APOL4: variants seen among roughly 807,000 people sequenced by gnomAD.
APOL4 encodes apolipoprotein L, 4.
In APOL4, 14 loss-of-function variants were observed where a neutral mutation model predicts 12.1. The observed-to-expected ratio is 1.16, with a 90% CI of 0.76 to 1.81. The LOEUF is 1.81. APOL4 is among the 40% of genes most tolerant of loss of function. The pLI is 0.00. For missense variants in APOL4, 432 were observed against 423.1 expected, an observed-to-expected ratio of 1.02 and a Z score of -0.18; for synonymous variants, 171 against 160.6, an observed-to-expected ratio of 1.06 and a Z score of -0.49.
chr22:36,196,157 C>T (rs1194773044), intron 2 of APOL4, among the ~76,000 whole-genome samples: 1 of 152,226 alleles, frequency 6.6e-6, no homozygotes, highest in East Asian at 1.9e-4. Context: ...TATTGTCAAA[C>T]ACTTTACACC....
At position 36,191,615 on chromosome 22, in the gene APOL4, A is replaced by T. The variant is rs372227838; in HGVS notation, c.507T>A (p.Thr169=). The change falls in exon 4 of 4, where the codon ACT becomes ACA. Residue 169 remains threonine (T), a synonymous_variant. Transcript: ENST00000683024. ...CTATTCCCAGCCCTACCCCAGCTGC[A>T]GTAATGCTCAGGCTCAGCCCTGCTG... ...PFTAGLSLSI[T]AAGVGLGIAS... 20 of 1,613,616 alleles carry T rather than the reference A, an allele frequency of 1.2e-5. No homozygotes were observed. The highest frequency in any genetic ancestry group is 2.5e-6 in the Non-Finnish European group (3 of 1,179,728).
At chr22:36,199,717 A>G (rs2014513343) in intron 1 of APOL4, 2 of 1,419,596 alleles carry the variant, frequency 1.4e-6, no homozygotes, top group African/African-American at 1.4e-5. Context: ...CGTTCTAACA[A>G]TGACCGGAAA....
chr22:36,191,610 G>C lies in APOL4; in HGVS notation c.512C>G (p.Ala171Gly). 6.2e-7 allele frequency: 1 copy of C among 1,613,616 alleles called. No individual in the cohort carries two copies. The highest frequency in any genetic ancestry group is 8.5e-7 in the Non-Finnish European group (1 of 1,179,688). Reference sequence around the variant, plus strand: ...AGATGCTATTCCCAGCCCTACCCCAGCTGCAGTAATGCTCAGGCTCAGCCC... The same window carrying C: ...AGATGCTATTCCCAGCCCTACCCCACCTGCAGTAATGCTCAGGCTCAGCCC... ...TAGLSLSITA[A>G]GVGLGIASAT... Residue 171 changes from alanine (A) to glycine (G), a missense_variant, in exon 4 of 4, where the codon GCT (alanine) becomes GGT (glycine). By Grantham distance (60) the Ala-to-Gly change is moderately conservative. Coordinates refer to ENST00000683024, the MANE Select transcript of APOL4 (RefSeq NM_001386885.1).
At position 36,195,397 on chromosome 22, in the gene APOL4, CT is replaced by C; in HGVS notation, c.122del (p.Gln41ArgfsTer9). 6.2e-7 allele frequency: 1 copy of C among 1,613,938 alleles called. No individual in the cohort carries two copies. Among genetic ancestry groups the C allele is most frequent in the Non-Finnish European group, 8.5e-7 (1 of 1,179,832 alleles). ...RFTEEVIEYF[Q>X]KKVSPVHLKI... ...TCAGATGCACTGGGCTAACTTTCTTCTGGAAGTATTCAATGACTTCTTCAGT... is the reference window on the plus strand; with the variant it reads ...TCAGATGCACTGGGCTAACTTTCTTCGGAAGTATTCAATGACTTCTTCAGT... On this transcript the variant is annotated frameshift_variant, in exon 3 of 4. Transcript: ENST00000683024. LOFTEE classifies it high-confidence loss of function.
At chr22:36,196,464 A>G (rs757951737) in intron 2 of APOL4, among the ~76,000 whole-genome samples, 1 of 152,188 alleles carries the variant, frequency 6.6e-6, no homozygotes. Flanking sequence ...TTGTAATCAA[A>G]GGTACAAATG....
At chr22:36,201,885 G>T (rs2014593241), upstream of APOL4, 8 of 1,595,444 alleles carry the variant, frequency 5.0e-6, no homozygotes, top group South Asian at 5.6e-5. Context: ...AGTGATTTTG[G>T]TTCCTAGAAA....
Position 36,191,072 on chromosome 22 carries a change from G to C in APOL4, c.*3C>G, listed in dbSNP as rs1255104391. The C allele has an allele frequency of 6.3e-7, 1 of 1,589,262 alleles. No homozygotes were observed. The highest frequency in any genetic ancestry group is 1.8e-5 in the Admixed American group (1 of 56,532). ...GGTCCCTGACTTCCCGCAACAATTG[G>C]GCCTAGCCTGCTTTTAGACTCTGAT... On this transcript the variant is annotated 3_prime_UTR_variant, in exon 4 of 4. Transcript: ENST00000683024.
chr22:36,192,021 T>A, intron 3 of APOL4, 109 bp from the exon 4 acceptor site: 1 of 1,060,248 alleles, frequency 9.4e-7, no homozygotes. Flanking sequence ...ATAAGTCAAA[T>A]GGAAGTAAAG....
chr22:36,193,328 G>A (rs187651224), intron 3 of APOL4, among the ~76,000 whole-genome samples: 3 of 152,132 alleles, frequency 2.0e-5, no homozygotes, highest in South Asian at 2.1e-4. Context: ...CTGAATAAAG[G>A]CTTCCTTCCT....
intron 1 of APOL4, 182 bp downstream of exon 1, chr22:36,201,518 G>C (rs9610444): frequency 1.4e-4 from 143 of 1,038,330 alleles, no homozygotes; most frequent in Admixed American, 9.4e-4. Flanking sequence ...GCGTCTGGGC[G>C]CTTCTTGCTG....
intron 3 of APOL4, among the ~76,000 whole-genome samples, chr22:36,193,434 C>T (rs1031485064): frequency 1.3e-5 from 2 of 152,224 alleles, no homozygotes; most frequent in East Asian, 3.8e-4. Flanking sequence ...CACAGGAGAA[C>T]ACAGCCTCCT....
upstream of APOL4, among the ~76,000 whole-genome samples, chr22:36,203,396 T>C (rs1024360122): frequency 1.3e-5 from 2 of 152,184 alleles, no homozygotes; most frequent in African/African-American, 2.4e-5. Flanking sequence ...GGGGATGAAG[T>C]AATTCTTTAA....
upstream of APOL4, among the ~76,000 whole-genome samples, chr22:36,202,633 G>T (rs6000184): frequency 0.11 from 17,407 of 151,882 alleles, 1,072 homozygotes; most frequent in African/African-American, 0.17. Context: ...GGCTGAGGCA[G>T]GAGAATGGTG....
chr22:36,199,195 A>T, intron 2 of APOL4, 135 bp downstream of exon 2: 1 of 1,263,110 alleles, frequency 7.9e-7, no homozygotes, highest in Non-Finnish European at 1.1e-6. Flanking sequence ...GGGCAGCCTC[A>T]TCAGCCACCT....
intron 2 of APOL4, chr22:36,197,605 T>C: frequency 6.7e-7 from 1 of 1,498,814 alleles, no homozygotes; most frequent in Non-Finnish European, 8.9e-7. Flanking sequence ...CTGCAAGCTA[T>C]GAATCTGAAC....
intron 2 of APOL4, chr22:36,197,826 A>G (rs1778398093): frequency 1.3e-6 from 2 of 1,547,430 alleles, no homozygotes; most frequent in Non-Finnish European, 1.7e-6. Context: ...ATGGGCCCAG[A>G]GGACCCTGAC....
chr22:36,191,273 T>C lies in APOL4; in HGVS notation c.849A>G (p.Arg283=). Residue 283 remains arginine, a synonymous_variant, in exon 4 of 4, where the codon AGA becomes AGG. Transcript: ENST00000683024. ...RTRGAPTRIV[R]KVARNLGKAT... Reference sequence around the variant, plus strand: ...CCTTGCCCAGGTTCCGGGCTACTTTTCTCACTATCCGGGTGGGGGCCCCAC... The same window carrying C: ...CCTTGCCCAGGTTCCGGGCTACTTTCCTCACTATCCGGGTGGGGGCCCCAC... 6.2e-7 allele frequency: 1 copy of C among 1,614,054 alleles called. No individual in the cohort carries two copies. The highest frequency in any genetic ancestry group is 8.5e-7 in the Non-Finnish European group (1 of 1,179,900).
intron 2 of APOL4, 82 bp downstream of exon 2, chr22:36,199,248 A>G: frequency 6.4e-7 from 1 of 1,574,618 alleles, no homozygotes; most frequent in Non-Finnish European, 8.7e-7. Context: ...TGAAGACACC[A>G]CCCTCCATTC....
intron 3 of APOL4, 160 bp downstream of exon 3, chr22:36,195,151 C>G (rs779862874): frequency 5.4e-6 from 5 of 922,040 alleles, no homozygotes; most frequent in South Asian, 3.8e-5. Flanking sequence ...GCCAGCGAAG[C>G]ACTTGGAGGA....
Sources: allele counts gnomAD v4.1 joint callset (sites outside exome capture counted in the v4.1 genomes callset), GRCh38; gene constraint gnomAD v4.1.1; transcripts MANE v1.5; gene names NCBI Gene and HGNC (gene_info 2026-07-23, HGNC 2026-07-21).